Variants in ITFG2 observed in about 807,000 individuals in gnomAD.
ITFG2 encodes integrin alpha FG-GAP repeat containing 2, also known as KICSTOR complex protein ITFG2.
Under a neutral mutation model 54.4 loss-of-function variants are expected in ITFG2, and 36 were observed. The observed-to-expected ratio is 0.66, with a 90% CI of 0.51 to 0.87. The LOEUF is 0.87. Ranked by LOEUF, ITFG2 falls within the 40% of genes least tolerant of loss-of-function variation. ITFG2 has a pLI of 0.00. For missense variants in ITFG2, 524 were observed against 576.7 expected, an observed-to-expected ratio of 0.91 and a Z score of 0.94; for synonymous variants, 211 against 225.4, an observed-to-expected ratio of 0.94 and a Z score of 0.57.
At chr12:2,834,754 G>A, upstream of ITFG2, 1 of 1,613,912 alleles carries the variant, frequency 6.2e-7, no homozygotes, top group East Asian at 2.2e-5. Context: ...GCTCAGGTGG[G>A]CTCGGTCTCG....
At chr12:2,833,202 C>T (rs557942306), upstream of ITFG2, among the ~76,000 whole-genome samples, 12 of 152,078 alleles carry the variant, frequency 7.9e-5, no homozygotes, top group South Asian at 2.3e-3. Context: ...CCTGCCACTC[C>T]GGGATGGCAA....
intron 2 of ITFG2, chr12:2,841,082 C>T (rs1162794193): frequency 6.5e-6 from 1 of 152,808 alleles, no homozygotes; most frequent in East Asian, 1.9e-4. Flanking sequence ...TCCATCCCCT[C>T]TGTCAGGCCC....
At chr12:2,820,566 C>A (rs2097940173) in intron 5 of ITFG2, among the ~76,000 whole-genome samples, 158 bp from the exon 6 acceptor site, 1 of 152,034 alleles carries the variant, frequency 6.6e-6, no homozygotes, top group African/African-American at 2.4e-5. Context: ...ACTCGAAATC[C>A]TTCCTCCTGC....
intron 4 of ITFG2, chr12:2,819,757 G>GAAA: frequency 4.4e-5 from 8 of 181,070 alleles, no homozygotes; most frequent in Non-Finnish European, 7.8e-5. Context: ...AACATTTGGT[G>GAAA]AAAAAAAAAA....
upstream of ITFG2, among the ~76,000 whole-genome samples, chr12:2,834,300 T>A (rs1022835109): frequency 6.6e-6 from 1 of 152,184 alleles, no homozygotes; most frequent in African/African-American, 2.4e-5. Flanking sequence ...TGGCCAGTCC[T>A]CCAGGCCCTC....
chr12:2,820,515 G>A (rs1490417086), intron 5 of ITFG2, among the ~76,000 whole-genome samples: 1 of 152,068 alleles, frequency 6.6e-6, no homozygotes, highest in Non-Finnish European at 1.5e-5. Context: ...GAAAGCATGT[G>A]GTCTGTGTGG....
At chr12:2,837,643 A>G (rs946064378) in intron 1 of ITFG2, among the ~76,000 whole-genome samples, 1 of 152,114 alleles carries the variant, frequency 6.6e-6, no homozygotes, top group African/African-American at 2.4e-5. Flanking sequence ...GTCTCAAAAA[A>G]AAAACCCAAA....
At chr12:2,823,423 T>A (rs2097952406) in intron 10 of ITFG2, among the ~76,000 whole-genome samples, 1 of 152,206 alleles carries the variant, frequency 6.6e-6, no homozygotes, top group Non-Finnish European at 1.5e-5. Context: ...AAGAGAAGCT[T>A]TACTTTCTGA....
chr12:2,842,139 T>TTTTTA (rs2098042803), intron 2 of ITFG2, among the ~76,000 whole-genome samples: 1 of 146,058 alleles, frequency 6.8e-6, no homozygotes, highest in African/African-American at 2.5e-5. Context: ...TTTTTTTTTT[T>TTTTTA]GAGATGGAGT....
chr12:2,855,036 C>G, intron 2 of ITFG2: 1 of 1,536,116 alleles, frequency 6.5e-7, no homozygotes, highest in Non-Finnish European at 8.7e-7. Context: ...TTTTCATGTC[C>G]ACAAACGTGG....
rs904038986 is a variant in ITFG2 at position 2,849,614 on chromosome 12, G to A, written n.301-8398G>A. 87 of 1,415,932 alleles carry A rather than the reference G, an allele frequency of 6.1e-5. 1 individual carries two copies. The highest frequency in any genetic ancestry group is 2.3e-4 in the Middle Eastern group (1 of 4,316). The allele number at this position is 1,415,932 out of a possible 1,614,324, so 87.7% of individuals were successfully genotyped here. A position where few individuals can be genotyped will look rare whatever the true frequency, so the allele number is the denominator to read the frequency against. On this transcript the variant is annotated intron_variant and non_coding_transcript_variant, in intron 2 of 3. Transcript: ENST00000537710. ...GACGGGGAAGGGGAAGGGTGATGCC[G>A]CTGTCCACAAGCTAGTTAGCCATCA...
downstream of ITFG2, chr12:2,827,195 CTG>C (rs1229150708): frequency 1.2e-6 from 2 of 1,614,094 alleles, no homozygotes; most frequent in East Asian, 2.2e-5. This position sits in a 1 kb window ranked among gnomAD's most constrained non-coding sequence, Gnocchi z 4.0. Context: ...TGGGGACTGA[CTG>C]AGACAGCAGT....
chr12:2,828,539 T>A, downstream of ITFG2: 2 of 791,726 alleles, frequency 2.5e-6, no homozygotes, highest in Non-Finnish European at 4.2e-6. Flanking sequence ...GAACTGTCTT[T>A]AAAACTGGCT....
Position 2,841,655 on chromosome 12 carries a change from A to G in ITFG2, n.300+660A>G, listed in dbSNP as rs189062361. On this transcript the variant is annotated intron_variant and non_coding_transcript_variant, in intron 2 of 3. Transcript: ENST00000537710. Reference sequence around the variant, plus strand: ...AACCACACGCTGGATTTTGAAAACAATACAAAAACCTGTGTGAAACATCTC... The same window carrying G: ...AACCACACGCTGGATTTTGAAAACAGTACAAAAACCTGTGTGAAACATCTC... 1.2e-4 allele frequency among the ~76,000 whole-genome samples: 18 copies of G among 152,316 alleles called. No homozygotes were observed. The East Asian group carries it at 3.3e-3, about 28-fold the overall frequency.
downstream of ITFG2, chr12:2,827,128 G>T: frequency 6.3e-7 from 1 of 1,599,508 alleles, no homozygotes. This position sits in a 1 kb window ranked among gnomAD's most constrained non-coding sequence, Gnocchi z 4.0. Context: ...CAGCTACCTG[G>T]CTTCAAGAGC....
intron 2 of ITFG2, 160 bp downstream of exon 2, chr12:2,817,478 C>T: frequency 1.7e-6 from 1 of 600,470 alleles, no homozygotes. Flanking sequence ...GGGAGGGCAG[C>T]CCCCAGCTAG....
exon 4 of ITFG2, chr12:2,859,787 T>G: frequency 1.4e-6 from 1 of 704,814 alleles, no homozygotes; most frequent in Non-Finnish European, 2.3e-6. Flanking sequence ...AATATGAGAA[T>G]ACGATGTATG....
chr12:2,813,617 C>CT (rs932295483), intron 1 of ITFG2, among the ~76,000 whole-genome samples: 19 of 151,918 alleles, frequency 1.3e-4, no homozygotes, highest in Admixed American at 2.6e-4. Flanking sequence ...GTCTGATGCT[C>CT]TTTTTTTTGC....
intron 1 of ITFG2, among the ~76,000 whole-genome samples, chr12:2,813,629 G>A (rs971466490): frequency 1.3e-5 from 2 of 152,092 alleles, no homozygotes; most frequent in Admixed American, 1.3e-4. Context: ...TTTTTTTGCA[G>A]ACTTTATCTT....
Sources: gnomAD v4.1 joint callset for allele counts (sites outside exome capture counted in the v4.1 genomes callset) on GRCh38, gnomAD v4.1.1 for gene constraint, Gnocchi (gnomAD v3.1) non-coding constraint, MANE v1.5 for transcripts, NCBI Gene and HGNC (gene_info 2026-07-23, HGNC 2026-07-21) for gene names.